SREBF1: variants seen among roughly 807,000 people sequenced by gnomAD.
SREBF1 encodes sterol regulatory element-binding protein 1.
Under a neutral mutation model 100.1 loss-of-function variants are expected in SREBF1, and 45 were observed. That is an observed-to-expected ratio of 0.45 (90% CI 0.35 to 0.58). SREBF1 has a LOEUF of 0.58. Ranked by LOEUF, SREBF1 falls within the 20% of genes least tolerant of loss-of-function variation. The pLI is 0.00. For missense variants in SREBF1, 1,324 were observed against 1,539.4 expected, an observed-to-expected ratio of 0.86 and a Z score of 2.34; for synonymous variants, 657 against 681.8, an observed-to-expected ratio of 0.96 and a Z score of 0.57.
intron 18 of SREBF1, 54 bp from the exon 19 acceptor site, chr17:17,812,905 G>C (rs1248841813): frequency 2.1e-5 from 30 of 1,420,216 alleles, no homozygotes; most frequent in Non-Finnish European, 2.6e-5. Flanking sequence ...ACGCCCCCGC[G>C]GGAGCCCTGC....
Position 17,819,428 on chromosome 17 carries a change from C to T in SREBF1, c.738G>A (p.Lys246=), listed in dbSNP as rs1381951431. 1 of 1,613,744 alleles carries T rather than the reference C, an allele frequency of 6.2e-7. No homozygotes were observed. The highest frequency in any genetic ancestry group is 1.3e-5 in the African/African-American group (1 of 74,952). ...TGGCTGTCAGAAGCAGCGAGTCTGC[C>T]TTGATGAAGTGGGGCTGCAGCAGGA... The part of the protein sequence containing the change: ...VPVLLQPHFI[K]ADSLLLTAMK... Residue 246 remains lysine, a synonymous_variant, in exon 4 of 19, where the codon AAG becomes AAA. Coordinates refer to ENST00000261646, the MANE Select transcript of SREBF1 (RefSeq NM_004176.5).
Position 17,811,842 on chromosome 17 carries a change from G to A in SREBF1, c.*780C>T, listed in dbSNP as rs2143008194. On this transcript the variant is annotated 3_prime_UTR_variant, in exon 19 of 19. Coordinates refer to ENST00000261646, the MANE Select transcript of SREBF1 (RefSeq NM_004176.5). ...ACAACTGACCCCATGGAGGCCCTAA[G>A]GGTTGACACAGCCCAACCATGTGCC... 1 of 445,806 alleles carries A rather than the reference G, an allele frequency of 2.2e-6. No individual in the cohort carries two copies. Among genetic ancestry groups the A allele is most frequent in the Non-Finnish European group, 4.5e-6 (1 of 221,762 alleles). 27.6% of individuals were successfully genotyped at this position (445,806 alleles called of 1,614,324 possible).
chr17:17,814,871 T>C lies in SREBF1; in HGVS notation c.2566A>G (p.Ser856Gly). 6.3e-7 allele frequency: 1 copy of C among 1,591,090 alleles called. No homozygotes were observed. ...GCCATGCTGGAACTGATGGAGAAGC[T>C]GTAGGCAGGAGCCCCCGCAGCATCA... ...CSDAAGAPAY[S>G]FSISSSMATT... The change falls in exon 14 of 19, where the codon AGC becomes GGC. Residue 856 changes from serine to glycine, a missense_variant. Physicochemically the swap from Ser to Gly is moderately conservative, Grantham distance 56. Transcript: ENST00000261646.
At position 17,811,556 on chromosome 17, in the gene SREBF1, G is replaced by A; in HGVS notation, c.*1066C>T. On this transcript the variant is annotated 3_prime_UTR_variant, in exon 19 of 19. Coordinates refer to ENST00000261646, the MANE Select transcript of SREBF1 (RefSeq NM_004176.5). ...GGGGCTGGGGGGGGGGGCATGAATG[G>A]AGTCAGGGAGTCGGCCTTTCACAGA... 3.0e-6 allele frequency: 1 copy of A among 332,856 alleles called. No homozygotes were observed. 20.6% of individuals were successfully genotyped at this position (332,856 alleles called of 1,614,324 possible).
At position 17,811,458 on chromosome 17, in the gene SREBF1, C is replaced by A; in HGVS notation, c.*1164G>T. The A allele has an allele frequency of 4.6e-6, 1 of 216,240 alleles. No homozygotes were observed. Among genetic ancestry groups the A allele is most frequent in the South Asian group, 4.5e-5 (1 of 22,244 alleles). 13.4% of individuals were successfully genotyped at this position (216,240 alleles called of 1,614,324 possible). A position where few individuals can be genotyped will look rare whatever the true frequency, so the allele number is the denominator to read the frequency against. On this transcript the variant is annotated 3_prime_UTR_variant, in exon 19 of 19. Coordinates refer to ENST00000261646, the MANE Select transcript of SREBF1 (RefSeq NM_004176.5). ...TACAACGATTGTTTTGGAAAATCTGCAGCCCGTGGATTCCGACCAGATTCA... is the reference window on the plus strand; with the variant it reads ...TACAACGATTGTTTTGGAAAATCTGAAGCCCGTGGATTCCGACCAGATTCA...
chr17:17,826,990 C>G (rs2034531606), intron 1 of SREBF1, among the ~76,000 whole-genome samples: 1 of 152,224 alleles, frequency 6.6e-6, no homozygotes, highest in Non-Finnish European at 1.5e-5. Flanking sequence ...GTGTGCCAAT[C>G]CTGTGCCAGG....
chr17:17,830,734 G>A (rs1023215177), intron 1 of SREBF1, among the ~76,000 whole-genome samples: 4 of 152,192 alleles, frequency 2.6e-5, no homozygotes, highest in Non-Finnish European at 1.5e-5. Flanking sequence ...ACCCAGCAGG[G>A]GACCCACACC....
intron 1 of SREBF1, among the ~76,000 whole-genome samples, chr17:17,835,813 T>A (rs2035186983): frequency 6.6e-6 from 1 of 152,246 alleles, no homozygotes; most frequent in Admixed American, 6.5e-5. Flanking sequence ...GTGCCACTGT[T>A]CTGCTCCGCC....
chr17:17,817,260 G>T lies in SREBF1; in HGVS notation c.1602C>A (p.Ser534Arg). ...GCCCAGGCTGGCCGGTCCCACCTCT[G>T]CTCTCGGTGCCCAGCACGTTGCGCC... ...SPGRNVLGTE[S>R]RDGPGWAQWL... is the part of the protein sequence containing the mutation. The change falls in exon 8 of 19, where the codon AGC becomes AGA. Residue 534 changes from serine (S) to arginine (R), a missense_variant. Transcript: ENST00000261646. This position sits in a 1 kb window ranked among gnomAD's most constrained non-coding sequence, Gnocchi z 6.6. 1 of 1,608,530 alleles carries T rather than the reference G, an allele frequency of 6.2e-7. No homozygotes were observed.
intron 1 of SREBF1, among the ~76,000 whole-genome samples, chr17:17,832,051 T>G (rs1567993524): frequency 6.6e-6 from 1 of 152,122 alleles, no homozygotes; most frequent in Non-Finnish European, 1.5e-5. Context: ...GAGTAGCCCC[T>G]GTGGAGGAGC....
chr17:17,817,125 A>G lies in SREBF1; in HGVS notation c.1618T>C (p.Trp540Arg). 3.7e-6 allele frequency: 6 copies of G among 1,613,200 alleles called. No homozygotes were observed. The highest frequency in any genetic ancestry group is 5.1e-6 in the Non-Finnish European group (6 of 1,179,926). Reference protein sequence around the residue: ...LGTESRDGPGWAQWLLPPVVW... With the variant: ...LGTESRDGPGRAQWLLPPVVW... ...ACTGGGGGCAGCAGCCACTGGGCCCAGCCAGGGCCATCTATGGACAGAGGG... is the reference window on the plus strand; with the variant it reads ...ACTGGGGGCAGCAGCCACTGGGCCCGGCCAGGGCCATCTATGGACAGAGGG... Residue 540 changes from tryptophan to arginine, a missense_variant, in exon 9 of 19, where the codon TGG (tryptophan) becomes CGG (arginine). Transcript: ENST00000261646. The surrounding 1 kb of genome is among the most constrained non-coding windows in gnomAD (Gnocchi z 6.6).
chr17:17,827,458 C>A (rs952496289), intron 1 of SREBF1, among the ~76,000 whole-genome samples: 2 of 152,200 alleles, frequency 1.3e-5, no homozygotes, highest in Non-Finnish European at 2.9e-5. Flanking sequence ...CTGGGCTGCA[C>A]CCCACCTGCT....
At chr17:17,823,914 C>A (rs1345886547) in intron 1 of SREBF1, among the ~76,000 whole-genome samples, 1 of 152,084 alleles carries the variant, frequency 6.6e-6, no homozygotes. Flanking sequence ...CCGCTCGGTG[C>A]CAGCGTCTGC....
chr17:17,836,784 C>A lies in SREBF1; in HGVS notation c.34G>T (p.Glu12Ter), dbSNP rs749164113. The change falls in exon 1 of 19, where the codon GAG (glutamate) becomes TAG (stop). Residue 12 changes from glutamate to a stop codon, truncating the protein, a stop_gained. Coordinates refer to ENST00000261646, the MANE Select transcript of SREBF1 (RefSeq NM_004176.5). LOFTEE classifies it high-confidence loss of function. ...TCGCACGGCTCGCCCAGCGCCTGCTCCAAAGCCGCCTCGCTGAAGGGTGGC... is the reference window on the plus strand; with the variant it reads ...TCGCACGGCTCGCCCAGCGCCTGCTACAAAGCCGCCTCGCTGAAGGGTGGC... ...DEPPFSEAAL[E>*]QALGEPCDLD... 5 of 1,559,562 alleles carry A rather than the reference C, an allele frequency of 3.2e-6. No individual in the cohort carries two copies. The highest frequency in any genetic ancestry group is 4.3e-6 in the Non-Finnish European group (5 of 1,160,562).
At chr17:17,818,803 A>G in intron 5 of SREBF1, 1 of 637,830 alleles carries the variant, frequency 1.6e-6, no homozygotes, top group South Asian at 1.9e-5. Context: ...TCATTGCTGC[A>G]TCCCCAATGC....
intron 3 of SREBF1, 21 bp downstream of exon 3, chr17:17,819,517 C>A: frequency 1.2e-6 from 2 of 1,613,498 alleles, no homozygotes; most frequent in Non-Finnish European, 1.7e-6. Flanking sequence ...CCCTCCCCAA[C>A]CCCTGGCCAG....
At position 17,824,715 on chromosome 17, in the gene SREBF1, T is replaced by A. The variant is rs764040011; in HGVS notation, c.92-4194A>T. Among the ~76,000 whole-genome samples, 1 of 152,202 alleles carries A rather than the reference T, an allele frequency of 6.6e-6. No homozygotes were observed. Among genetic ancestry groups the A allele is most frequent in the Non-Finnish European group, 1.5e-5 (1 of 68,032 alleles). On this transcript the variant is annotated intron_variant, in intron 1 of 18. Coordinates refer to ENST00000261646, the MANE Select transcript of SREBF1 (RefSeq NM_004176.5). The surrounding 1 kb of genome is among the most constrained non-coding windows in gnomAD (Gnocchi z 4.2). ...CGCCTCTGCCTGGTCCACACCCCAG[T>A]TGGCTGCAACCTGAGAGGGTGCCTG...
At chr17:17,814,122 C>G in intron 16 of SREBF1, 123 bp downstream of exon 16, 1 of 1,163,196 alleles carries the variant, frequency 8.6e-7, no homozygotes, top group Non-Finnish European at 1.2e-6. Flanking sequence ...TGCTGGACCC[C>G]CTATCCTGTG....
chr17:17,825,790 A>G (rs2034456473), intron 1 of SREBF1, among the ~76,000 whole-genome samples: 2 of 151,658 alleles, frequency 1.3e-5, no homozygotes, highest in Admixed American at 1.3e-4. Flanking sequence ...TAATTTTTGT[A>G]TTTTTAGTAG....
Sources: gnomAD v4.1 joint callset for allele counts (sites outside exome capture counted in the v4.1 genomes callset) on GRCh38, gnomAD v4.1.1 for gene constraint, Gnocchi (gnomAD v3.1) non-coding constraint, MANE v1.5 for transcripts, NCBI Gene and HGNC (gene_info 2026-07-23, HGNC 2026-07-21) for gene names.